SUCO: variants seen among roughly 807,000 people sequenced by gnomAD.
SUCO encodes the protein SUN domain containing ossification factor, also known as SUN domain-containing ossification factor.
Under a neutral mutation model 148.1 loss-of-function variants are expected in SUCO, and 57 were observed. The ratio of observed to expected loss-of-function variants is 0.38; its 90% CI spans 0.31 to 0.48. The LOEUF is 0.48. Ranked by LOEUF, SUCO falls within the 20% of genes least tolerant of loss-of-function variation. The pLI is 0.96. For synonymous variants in SUCO, 470 were observed against 502.7 expected (o/e 0.93, Z 0.87); for missense variants, 1,331 against 1,468.2 (o/e 0.91, Z 1.53).
intron 10 of SUCO, 86 bp downstream of exon 10, chr1:172,574,084 T>G (rs1286110048): frequency 1.4e-6 from 1 of 724,524 alleles, no homozygotes; most frequent in Non-Finnish European, 2.3e-6. Flanking sequence ...GGTCACATTT[T>G]GACTTCAGTC....
At chr1:172,538,355 C>G (rs531366969) in intron 1 of SUCO, among the ~76,000 whole-genome samples, 3 of 152,132 alleles carry the variant, frequency 2.0e-5, no homozygotes, top group Non-Finnish European at 4.4e-5. Context: ...GATTACATTT[C>G]TGTACCCTTT....
rs112738915 is a variant in SUCO, at chr1:172,573,591, T to A, written c.1050-300T>A. ...GTCATTTTACACTATCACTGTCTGTTCTTAAGAAAGTCATCCCTTCTCCAA... is the reference window on the plus strand; with the variant it reads ...GTCATTTTACACTATCACTGTCTGTACTTAAGAAAGTCATCCCTTCTCCAA... On this transcript the variant is annotated intron_variant, in intron 9 of 23. Coordinates refer to ENST00000263688, the MANE Select transcript of SUCO (RefSeq NM_014283.5). Among the ~76,000 whole-genome samples the A allele has an allele frequency of 9.3e-4, 141 of 152,282 alleles. 1 individual carries two copies. The highest frequency in any genetic ancestry group is 3.2e-3 in the African/African-American group (135 of 41,584).
intron 22 of SUCO, chr1:172,608,213 C>T (rs957167102): frequency 3.1e-5 from 13 of 424,202 alleles, no homozygotes; most frequent in African/African-American, 2.6e-4. Context: ...ATTGGGATTT[C>T]ATAGTTTTGA....
At chr1:172,550,746 A>T (rs1476787179) in intron 1 of SUCO, 3 of 207,672 alleles carry the variant, frequency 1.4e-5, no homozygotes, top group Non-Finnish European at 1.7e-5. Flanking sequence ...TGTTAAATAT[A>T]TAATTATTCC....
intron 20 of SUCO, among the ~76,000 whole-genome samples, chr1:172,601,495 T>G (rs1657524483): frequency 8.3e-6 from 1 of 120,482 alleles, no homozygotes; most frequent in Admixed American, 8.4e-5. Flanking sequence ...CAAGGCTCTG[T>G]CTCAAAAAAA....
chr1:172,596,367 T>G (rs1050156439), intron 19 of SUCO, among the ~76,000 whole-genome samples: 1 of 152,214 alleles, frequency 6.6e-6, no homozygotes, highest in Non-Finnish European at 1.5e-5. Flanking sequence ...GGCGCTCTCA[T>G]TTTTAGAATT....
At position 172,589,356 on chromosome 1, in the gene SUCO, C is replaced by G; in HGVS notation, c.2255C>G (p.Ser752Cys). ...NPLPKIEVSESVEYEAGHIPS... is the reference protein window; with the variant it reads ...NPLPKIEVSECVEYEAGHIPS... ...TTGCCTAAAATAGAAGTATCTGAGT[C>G]TGTTGAATATGAGGCAGGACATATA... Residue 752 changes from serine (S) to cysteine (C), a missense_variant, in exon 18 of 24, where the codon TCT (serine) becomes TGT (cysteine). Physicochemically the swap from Ser to Cys is moderately radical, Grantham distance 112 (BLOSUM62 -1). Transcript: ENST00000263688. 1 of 1,613,678 alleles carries G rather than the reference C, an allele frequency of 6.2e-7. No individual in the cohort carries two copies. Among genetic ancestry groups the G allele is most frequent in the Non-Finnish European group, 8.5e-7 (1 of 1,179,802 alleles).
chr1:172,562,326 C>CTT (rs1558184293), intron 6 of SUCO, among the ~76,000 whole-genome samples: 2 of 134,876 alleles, frequency 1.5e-5, no homozygotes, highest in African/African-American at 5.6e-5. Context: ...TGGGTTTTAA[C>CTT]ATTTTTTTTT....
In SUCO at chr1:172,563,029, G is replaced by A. The variant is rs542532262; in HGVS notation, c.732+5235G>A. Reference sequence around the variant, plus strand: ...CTTGCTTCCCCTTTGCCCTTCTGCTGTGATTGTAAGTTTCCTGAGGCCTCC... The same window carrying A: ...CTTGCTTCCCCTTTGCCCTTCTGCTATGATTGTAAGTTTCCTGAGGCCTCC... On this transcript the variant is annotated intron_variant, in intron 6 of 23. Transcript: ENST00000263688. 7.2e-5 allele frequency among the ~76,000 whole-genome samples: 11 copies of A among 152,296 alleles called. No homozygotes were observed. In the East Asian group the frequency reaches 2.1e-3, roughly 29 times the overall value.
intron 1 of SUCO, among the ~76,000 whole-genome samples, chr1:172,547,166 A>G (rs983909649): frequency 6.6e-6 from 1 of 152,132 alleles, no homozygotes; most frequent in African/African-American, 2.4e-5. Context: ...CATGTGTTTG[A>G]CTTCTTTTAC....
Position 172,577,828 on chromosome 1 carries a change from G to C in SUCO, c.1340+9G>C. 1.3e-6 allele frequency: 2 copies of C among 1,594,300 alleles called. No individual in the cohort carries two copies. The highest frequency in any genetic ancestry group is 1.7e-6 in the Non-Finnish European group (2 of 1,169,036). ...CCATTAAGCCTTATAAGGTAATGCA[G>C]AACAAAATACATTTATTGAGTTTTT... On this transcript the variant is annotated intron_variant, in intron 13 of 23. Transcript: ENST00000263688.
At chr1:172,539,608 A>G (rs1334198443) in intron 1 of SUCO, among the ~76,000 whole-genome samples, 1 of 152,170 alleles carries the variant, frequency 6.6e-6, no homozygotes, top group African/African-American at 2.4e-5. Flanking sequence ...CTGTAACATT[A>G]ATACGGTTCA....
chr1:172,590,855 TAG>T, intron 18 of SUCO, 127 bp from the exon 19 acceptor site: 1 of 632,020 alleles, frequency 1.6e-6, no homozygotes, highest in South Asian at 2.1e-5. Flanking sequence ...TTGTATTGCA[TAG>T]GCCTGAATAA....
Position 172,557,750 on chromosome 1 carries a change from G to A in SUCO, c.688G>A (p.Asp230Asn). 1.2e-6 allele frequency: 2 copies of A among 1,606,230 alleles called. No homozygotes were observed. Among genetic ancestry groups the A allele is most frequent in the South Asian group, 1.1e-5 (1 of 88,890 alleles). Residue 230 changes from aspartate (D) to asparagine (N), a missense_variant, in exon 6 of 24, where the codon GAT (aspartate) becomes AAT (asparagine). By Grantham distance (23) the Asp-to-Asn change is conservative. Transcript: ENST00000263688. ...TTCAGCAAGTGAACAGGGCGGTGGT[G>A]ATCCAAAATCTGCATTGAATGCTTC... ...KVSASEQGGG[D>N]PKSALNASDN...
intron 15 of SUCO, among the ~76,000 whole-genome samples, chr1:172,581,965 G>A (rs1318750425): frequency 6.6e-6 from 1 of 152,178 alleles, no homozygotes; most frequent in African/African-American, 2.4e-5. Flanking sequence ...TTGGCTTTGT[G>A]TGTATGGCTT....
intron 6 of SUCO, among the ~76,000 whole-genome samples, chr1:172,559,833 TG>T (rs1192732706): frequency 6.6e-6 from 1 of 152,130 alleles, no homozygotes; most frequent in African/African-American, 2.4e-5. Flanking sequence ...AGCACATTGG[TG>T]GGCTTGGCTT....
intron 1 of SUCO, among the ~76,000 whole-genome samples, chr1:172,536,189 G>A (rs1332096877): frequency 6.6e-6 from 1 of 152,130 alleles, no homozygotes; most frequent in African/African-American, 2.4e-5. Context: ...GGTTAACTTG[G>A]CTAAGTTTAA....
At chr1:172,567,587 C>T (rs1371303826) in intron 6 of SUCO, among the ~76,000 whole-genome samples, 1 of 152,012 alleles carries the variant, frequency 6.6e-6, no homozygotes, top group Non-Finnish European at 1.5e-5. Context: ...TTCCACTGCT[C>T]TGTTTATAGT....
chr1:172,541,319 A>G (rs1364096676), intron 1 of SUCO, among the ~76,000 whole-genome samples: 1 of 152,186 alleles, frequency 6.6e-6, no homozygotes, highest in Admixed American at 6.5e-5. Context: ...ATCTCTAGAT[A>G]TTTTAAATCA....
Sources: gnomAD v4.1 joint callset for allele counts (sites outside exome capture counted in the v4.1 genomes callset) on GRCh38, gnomAD v4.1.1 for gene constraint, MANE v1.5 for transcripts, NCBI Gene and HGNC (gene_info 2026-07-23, HGNC 2026-07-21) for gene names.